Variants in SLC25A32 observed in about 807,000 individuals in gnomAD.
The protein encoded by SLC25A32 is Glycine auxotroph B, complementation of hamster.
In SLC25A32, 32 loss-of-function variants were observed where a neutral mutation model predicts 39.0. The observed-to-expected ratio is 0.82, with a 90% CI of 0.62 to 1.10. The LOEUF is 1.10. Ranked by LOEUF, SLC25A32 falls within the 50% of genes least tolerant of loss-of-function variation. The pLI is 0.00. For synonymous variants in SLC25A32, 166 were observed against 152.4 expected (o/e 1.09, Z -0.66); for missense variants, 367 against 395.3 (o/e 0.93, Z 0.61).
In SLC25A32 at chr8:103,415,039, C is replaced by T; in HGVS notation, c.-102G>A. ...ACGGTCGCCCCTTGTGAGCGCAACCCCACCTCCGGGACCAACGAGAGGACT... is the reference window on the plus strand; with the variant it reads ...ACGGTCGCCCCTTGTGAGCGCAACCTCACCTCCGGGACCAACGAGAGGACT... On this transcript the variant is annotated 5_prime_UTR_variant, in exon 1 of 7. Coordinates refer to ENST00000297578, the MANE Select transcript of SLC25A32 (RefSeq NM_030780.5). 1.1e-5 allele frequency: 17 copies of T among 1,594,418 alleles called. No homozygotes were observed. The highest frequency in any genetic ancestry group is 1.5e-5 in the Non-Finnish European group (17 of 1,170,936).
intron 2 of SLC25A32, among the ~76,000 whole-genome samples, chr8:103,405,993 T>G (rs1300535622): frequency 6.6e-6 from 1 of 151,870 alleles, no homozygotes; most frequent in Non-Finnish European, 1.5e-5. Flanking sequence ...CACAAAAATT[T>G]TATATGGCTT....
In SLC25A32 at chr8:103,414,854, C is replaced by T. The variant is rs1261748813; in HGVS notation, c.84G>A (p.Ala28=). The T allele has an allele frequency of 1.2e-6, 2 of 1,613,580 alleles. No individual in the cohort carries two copies. The highest frequency in any genetic ancestry group is 1.7e-5 in the Admixed American group (1 of 60,006). ...FRHVRYENLI[A]GVSGGVLSNL... ...TGGATAAGACGCCGCCGCTCACGCC[C>T]GCTATCAGGTTCTCATACCGGACGT... Residue 28 remains alanine, a synonymous_variant, in exon 1 of 7, where the codon GCG becomes GCA. Coordinates refer to ENST00000297578, the MANE Select transcript of SLC25A32 (RefSeq NM_030780.5).
At chr8:103,412,064 G>A (rs967741779) in intron 1 of SLC25A32, among the ~76,000 whole-genome samples, 2 of 151,984 alleles carry the variant, frequency 1.3e-5, no homozygotes, top group South Asian at 4.1e-4. Flanking sequence ...TGTAAGATAG[G>A]AAAAAATAAT....
At chr8:103,413,652 A>G (rs115361595) in intron 1 of SLC25A32, among the ~76,000 whole-genome samples, 1,656 of 152,352 alleles carry the variant, frequency 0.011, 32 homozygotes, top group African/African-American at 0.038. Context: ...TTGTGCATGC[A>G]TCATAAAACT....
intron 6 of SLC25A32, 106 bp from the exon 7 acceptor site, chr8:103,400,652 C>T: frequency 8.6e-7 from 1 of 1,164,872 alleles, no homozygotes; most frequent in Admixed American, 2.1e-5. Flanking sequence ...TCAAACCTTA[C>T]TCTGATTTAA....
In SLC25A32 at chr8:103,406,049, A is replaced by ATGTGTG. The variant is rs376348142; in HGVS notation, c.306-1194_306-1189dup. Among the ~76,000 whole-genome samples, 761 of 146,030 alleles carry ATGTGTG rather than the reference A, an allele frequency of 5.2e-3. 13 individuals carry two copies. Among genetic ancestry groups the ATGTGTG allele is most frequent in the African/African-American group, 0.016 (647 of 39,348 alleles). On this transcript the variant is annotated intron_variant, in intron 2 of 6. Transcript: ENST00000297578. ...AGAATCTATACAACTCAAATTCATG[A>ATGTGTG]TGTGTGTGTGTGTGTGTATATATAT...
At chr8:103,409,258 T>C (rs1816407539) in intron 1 of SLC25A32, among the ~76,000 whole-genome samples, 1 of 152,356 alleles carries the variant, frequency 6.6e-6, no homozygotes, top group South Asian at 2.1e-4. Flanking sequence ...TCCAAACTTG[T>C]AATTTTACTA....
rs775408722 is a variant in SLC25A32, at chr8:103,407,802, CAA to C, written c.155-20_155-19del. On this transcript the variant is annotated intron_variant, in intron 1 of 6. Transcript: ENST00000297578. Reference sequence around the variant, plus strand: ...ATCACTCACTGCATCAAGGGATACACAAAGTCAGGTAAGAACAAAGTTCTAGC... The same window carrying C: ...ATCACTCACTGCATCAAGGGATACACAGTCAGGTAAGAACAAAGTTCTAGC... 6.2e-7 allele frequency: 1 copy of C among 1,609,266 alleles called. No individual in the cohort carries two copies. The highest frequency in any genetic ancestry group is 8.5e-7 in the Non-Finnish European group (1 of 1,176,950).
At chr8:103,412,666 AAT>A (rs1026362155) in intron 1 of SLC25A32, among the ~76,000 whole-genome samples, 8 of 152,118 alleles carry the variant, frequency 5.3e-5, no homozygotes, top group Admixed American at 4.6e-4. Context: ...AAGTTCTCTA[AAT>A]ATCTTGAGGT....
At chr8:103,403,946 T>TA (rs1816273535) in intron 3 of SLC25A32, among the ~76,000 whole-genome samples, 1 of 152,236 alleles carries the variant, frequency 6.6e-6, no homozygotes, top group African/African-American at 2.4e-5. Context: ...AGTAGTCCTT[T>TA]ATTCAACAAA....
intron 2 of SLC25A32, among the ~76,000 whole-genome samples, chr8:103,405,641 G>A (rs1435999562): frequency 6.6e-6 from 1 of 151,960 alleles, no homozygotes; most frequent in Non-Finnish European, 1.5e-5. Context: ...GGATGACGAT[G>A]TCAAGTGAAC....
chr8:103,412,121 A>C (rs1431892676), intron 1 of SLC25A32, among the ~76,000 whole-genome samples: 1 of 152,240 alleles, frequency 6.6e-6, no homozygotes, highest in Non-Finnish European at 1.5e-5. Context: ...GTTAGTACAT[A>C]TAAAGCTCTT....
At position 103,414,855 on chromosome 8, in the gene SLC25A32, G is replaced by T; in HGVS notation, c.83C>A (p.Ala28Glu). The T allele has an allele frequency of 6.2e-7, 1 of 1,613,564 alleles. No homozygotes were observed. Among genetic ancestry groups the T allele is most frequent in the Non-Finnish European group, 8.5e-7 (1 of 1,179,946 alleles). The change falls in exon 1 of 7, where the codon GCG becomes GAG. Residue 28 changes from alanine to glutamate, a missense_variant. Coordinates refer to ENST00000297578, the MANE Select transcript of SLC25A32 (RefSeq NM_030780.5). ...FRHVRYENLI[A>E]GVSGGVLSNL... Reference sequence around the variant, plus strand: ...GGATAAGACGCCGCCGCTCACGCCCGCTATCAGGTTCTCATACCGGACGTG... The same window carrying T: ...GGATAAGACGCCGCCGCTCACGCCCTCTATCAGGTTCTCATACCGGACGTG...
chr8:103,412,064 G>GA (rs1416665227), intron 1 of SLC25A32, among the ~76,000 whole-genome samples: 1 of 151,984 alleles, frequency 6.6e-6, no homozygotes, highest in Non-Finnish European at 1.5e-5. Flanking sequence ...TGTAAGATAG[G>GA]AAAAAATAAT....
intron 1 of SLC25A32, 110 bp from the exon 2 acceptor site, chr8:103,407,894 A>G (rs1243073301): frequency 2.9e-6 from 2 of 701,206 alleles, no homozygotes; most frequent in Non-Finnish European, 4.1e-6. Flanking sequence ...ACTTAGAAGA[A>G]AAACTTTTTT....
At chr8:103,411,014 A>C (rs1816452935) in intron 1 of SLC25A32, among the ~76,000 whole-genome samples, 1 of 152,214 alleles carries the variant, frequency 6.6e-6, no homozygotes, top group Non-Finnish European at 1.5e-5. Flanking sequence ...TTGCAGATGA[A>C]TCAAGAAACC....
In SLC25A32 at chr8:103,400,471, G is replaced by C. The variant is rs754484415; in HGVS notation, c.888C>G (p.Thr296=). The change falls in exon 7 of 7, where the codon ACC becomes ACG. Residue 296 remains threonine (T), a synonymous_variant. Transcript: ENST00000297578. ...GTGAGACGTTTTCATATACCACAAA[G>C]GTAATACAGCAGGCTGGAGTCACTC... ...LIRVTPACCI[T]FVVYENVSHF... The C allele has an allele frequency of 1.2e-6, 2 of 1,614,004 alleles. No individual in the cohort carries two copies. Among genetic ancestry groups the C allele is most frequent in the Non-Finnish European group, 1.7e-6 (2 of 1,179,910 alleles).
intron 3 of SLC25A32, among the ~76,000 whole-genome samples, chr8:103,403,653 A>G (rs1451880643): frequency 2.0e-5 from 3 of 152,176 alleles, no homozygotes; most frequent in African/African-American, 4.8e-5. Context: ...TGCAGAGAAC[A>G]GATGGTAAGC....
At position 103,403,302 on chromosome 8, in the gene SLC25A32, T is replaced by C. The variant is rs1316826606; in HGVS notation, c.414A>G (p.Thr138=). The C allele has an allele frequency of 2.5e-6, 4 of 1,611,850 alleles. No individual in the cohort carries two copies. The highest frequency in any genetic ancestry group is 8.5e-7 in the Non-Finnish European group (1 of 1,178,868). ...AEAGAMTLCI[T]NPLWVTKTRL... is the part of the protein sequence containing the mutation. ...GAGTTTTTGTTACCCATAATGGGTT[T>C]GTAATGCAGAGGGTCATGGCTCCTA... Residue 138 remains threonine (T), a synonymous_variant, in exon 4 of 7, where the codon ACA becomes ACG. Transcript: ENST00000297578.
Sources: gnomAD v4.1 joint callset for allele counts (sites outside exome capture counted in the v4.1 genomes callset) on GRCh38, gnomAD v4.1.1 for gene constraint, MANE v1.5 for transcripts, NCBI Gene and HGNC (gene_info 2026-07-23, HGNC 2026-07-21) for gene names.